Variants in CD109 observed in about 807,000 individuals in gnomAD.
CD109 encodes CD109 antigen.
Under a neutral mutation model 165.8 loss-of-function variants are expected in CD109, and 149 were observed. That is an observed-to-expected ratio of 0.90 (90% CI 0.79 to 1.03). CD109 has a LOEUF of 1.03. Ranked by LOEUF, CD109 falls within the 50% of genes least tolerant of loss-of-function variation. The pLI, the probability that CD109 is intolerant of heterozygous loss-of-function variation, is 0.00. For synonymous variants in CD109, 585 were observed against 592.1 expected, an observed-to-expected ratio of 0.99 and a Z score of 0.18; for missense variants, 1,712 against 1,677.8, an observed-to-expected ratio of 1.02 and a Z score of -0.36.
At chr6:73,693,593 C>T (rs1000310595), upstream of CD109, among the ~76,000 whole-genome samples, 1 of 152,206 alleles carries the variant, frequency 6.6e-6, no homozygotes, top group East Asian at 1.9e-4. Context: ...CTCTGTCACC[C>T]AGACTGGAGT....
In CD109 at chr6:73,823,933, A is replaced by G. The variant is rs548173934; in HGVS notation, c.*300A>G. On this transcript the variant is annotated 3_prime_UTR_variant, in exon 33 of 33. Coordinates refer to ENST00000287097, the MANE Select transcript of CD109 (RefSeq NM_133493.5). ...CAGAATAAAGGTATTACTTTAGAAT[A>G]GGTATTCTCCTCATTTTGTGAAAGA... 39 of 210,828 alleles carry G rather than the reference A, an allele frequency of 1.8e-4. No individual in the cohort carries two copies. Among genetic ancestry groups the G allele is most frequent in the Non-Finnish European group, 3.1e-4 (33 of 106,106 alleles). The allele number at this position is 210,828 out of a possible 1,614,324, so 13.1% of individuals were successfully genotyped here. A position where few individuals can be genotyped will look rare whatever the true frequency, so the allele number is the denominator to read the frequency against.
At chr6:73,684,221 CTTTTTTT>C in the CD109 span, among the ~76,000 whole-genome samples, 1 of 136,392 alleles carries the variant, frequency 7.3e-6, no homozygotes, top group African/African-American at 2.7e-5. Context: ...GTCGTTCTTT[CTTTTTTT>C]TTTTTTTTTG....
intron 28 of CD109, 106 bp downstream of exon 28, chr6:73,811,253 G>C (rs148400705): frequency 1.5e-6 from 2 of 1,300,766 alleles, no homozygotes; most frequent in African/African-American, 3.0e-5. Flanking sequence ...TGTTTCCAGA[G>C]CTCTGTAGAG....
At chr6:73,773,732 G>T (rs1051633321) in intron 15 of CD109, among the ~76,000 whole-genome samples, 5 of 152,040 alleles carry the variant, frequency 3.3e-5, no homozygotes, top group Non-Finnish European at 7.4e-5. Flanking sequence ...TTTTGCTCGT[G>T]TACAGATTTT....
intron 22 of CD109, among the ~76,000 whole-genome samples, chr6:73,790,977 C>T (rs998344489): frequency 5.3e-5 from 8 of 151,456 alleles, no homozygotes; most frequent in African/African-American, 1.9e-4. Context: ...TAATTAATGA[C>T]GTCTAATAGT....
rs1774592594 is a variant in CD109 at position 73,783,817 on chromosome 6, C to T, written c.2216C>T (p.Pro739Leu). The change falls in exon 19 of 33, where the codon CCA becomes CTA. Residue 739 changes from proline to leucine, a missense_variant. Transcript: ENST00000287097. Reference sequence around the variant, plus strand: ...CTGGGTCTTGGACTAACAACTACTCCAGTGGAGGTATTGTATTAAAGAGCT... The same window carrying T: ...CTGGGTCTTGGACTAACAACTACTCTAGTGGAGGTATTGTATTAAAGAGCT... ...EDLGLGLTTT[P>L]VELQAFQPFF... 3.8e-6 allele frequency: 6 copies of T among 1,562,608 alleles called. No individual in the cohort carries two copies. The highest frequency in any genetic ancestry group is 1.7e-5 in the Admixed American group (1 of 59,536).
chr6:73,757,040 A>G (rs533280906), intron 6 of CD109, among the ~76,000 whole-genome samples: 4 of 152,338 alleles, frequency 2.6e-5, no homozygotes, highest in Non-Finnish European at 4.4e-5. Flanking sequence ...ATTGGTAAAG[A>G]TGGTCTGTTT....
Position 73,783,830 on chromosome 6 carries a change from G to T in CD109, c.2223+6G>T, listed in dbSNP as rs377054128. 5.0e-5 allele frequency: 74 copies of T among 1,469,146 alleles called. No individual in the cohort carries two copies. In the African/African-American group the frequency reaches 9.6e-4, roughly 19 times the overall value. The allele number at this position is 1,469,146 out of a possible 1,614,324, so 91.0% of individuals were successfully genotyped here. A position where few individuals can be genotyped will look rare whatever the true frequency, so the allele number is the denominator to read the frequency against. ...TAACAACTACTCCAGTGGAGGTATTGTATTAAAGAGCTGCTTATCAGTATT... is the reference window on the plus strand; with the variant it reads ...TAACAACTACTCCAGTGGAGGTATTTTATTAAAGAGCTGCTTATCAGTATT... On this transcript the variant is annotated splice_donor_region_variant and intron_variant, in intron 19 of 32. Transcript: ENST00000287097.
intron 32 of CD109, 27 bp downstream of exon 32, chr6:73,820,590 C>A: frequency 7.7e-7 from 1 of 1,290,910 alleles, no homozygotes; most frequent in African/African-American, 1.5e-5. Context: ...GTTCTTAATA[C>A]TTTAGAAATT....
intron 22 of CD109, among the ~76,000 whole-genome samples, chr6:73,791,190 T>TATATATATATATATACACATAC (rs1352766740): frequency 1.5e-4 from 2 of 13,528 alleles, no homozygotes; most frequent in African/African-American, 4.7e-4. Context: ...CACACACACA[T>TATATATATATATATACACATAC]ACATATATAT....
intron 5 of CD109, among the ~76,000 whole-genome samples, chr6:73,756,283 C>T (rs1357022243): frequency 6.6e-6 from 1 of 152,112 alleles, no homozygotes; most frequent in Non-Finnish European, 1.5e-5. Flanking sequence ...GTTAGTTTGA[C>T]CTGTGTTATC....
chr6:73,698,147 G>A (rs539310107), intron 2 of CD109, among the ~76,000 whole-genome samples: 20 of 152,332 alleles, frequency 1.3e-4, no homozygotes, highest in African/African-American at 4.1e-4. Flanking sequence ...TAGTGTGAAA[G>A]TGGGAGCCAT....
At chr6:73,764,158 T>C (rs1773746313) in intron 10 of CD109, among the ~76,000 whole-genome samples, 1 of 152,204 alleles carries the variant, frequency 6.6e-6, no homozygotes, top group African/African-American at 2.4e-5. Context: ...TGGGCAGGGC[T>C]ATAGAGCCAA....
At position 73,807,531 on chromosome 6, in the gene CD109, G is replaced by A. The variant is rs968040889; in HGVS notation, c.3189+459G>A. On this transcript the variant is annotated intron_variant, in intron 25 of 32. Coordinates refer to ENST00000287097, the MANE Select transcript of CD109 (RefSeq NM_133493.5). ...AAAAGTGTGTTGAATGGGCATGGAT[G>A]CCTGGATGAGAATGAGTATGCGTGG... 3.3e-5 allele frequency among the ~76,000 whole-genome samples: 5 copies of A among 152,276 alleles called. No individual in the cohort carries two copies. In the East Asian group the frequency reaches 7.7e-4, roughly 23 times the overall value.
chr6:73,758,147 C>T (rs1480991524), intron 6 of CD109, among the ~76,000 whole-genome samples: 1 of 151,908 alleles, frequency 6.6e-6, no homozygotes, highest in African/African-American at 2.4e-5. Context: ...CATTCAGGGC[C>T]ATTAGCCTTG....
At chr6:73,765,397 C>G (rs1050071047) in intron 10 of CD109, among the ~76,000 whole-genome samples, 2 of 152,052 alleles carry the variant, frequency 1.3e-5, no homozygotes, top group Middle Eastern at 3.4e-3. Context: ...CTTGCAAAAT[C>G]CTGATGTTAG....
intron 23 of CD109, among the ~76,000 whole-genome samples, chr6:73,799,074 A>T (rs1775274555): frequency 6.6e-6 from 1 of 152,076 alleles, no homozygotes; most frequent in African/African-American, 2.4e-5. Context: ...CTTAATTAAA[A>T]ATTGAGGGAG....
intron 15 of CD109, among the ~76,000 whole-genome samples, chr6:73,779,631 G>A (rs958352492): frequency 5.9e-5 from 9 of 152,030 alleles, no homozygotes; most frequent in African/African-American, 1.9e-4. Context: ...TTCTGCTGAT[G>A]GACACAGGTT....
At chr6:73,692,417 GATATA>G (rs1274186320), upstream of CD109, among the ~76,000 whole-genome samples, 7 of 152,084 alleles carry the variant, frequency 4.6e-5, no homozygotes, top group African/African-American at 1.2e-4. Context: ...TCTTAAAGGA[GATATA>G]ATATATATTT....
Sources: allele counts gnomAD v4.1 joint callset (sites outside exome capture counted in the v4.1 genomes callset), GRCh38; gene constraint gnomAD v4.1.1; transcripts MANE v1.5; gene names NCBI Gene and HGNC (gene_info 2026-07-23, HGNC 2026-07-21).